Variants in KIF21A observed in about 807,000 individuals in gnomAD.
KIF21A encodes kinesin family member 21A, also known as kinesin-like protein KIF21A.
A neutral mutation model predicts 202.9 loss-of-function variants in KIF21A; 114 were observed. The observed-to-expected ratio is 0.56, with a 90% CI of 0.48 to 0.66. The LOEUF is 0.66. KIF21A is among the 30% of genes least tolerant of loss of function. The pLI, the probability that KIF21A is intolerant of heterozygous loss-of-function variation, is 0.00. For synonymous variants in KIF21A, 667 were observed against 670.8 expected (o/e 0.99, Z 0.09); for missense variants, 1,677 against 1,994.9 (o/e 0.84, Z 3.04).
chr12:39,427,405 A>G (rs931721010), intron 1 of KIF21A, among the ~76,000 whole-genome samples: 6 of 152,170 alleles, frequency 3.9e-5, no homozygotes, highest in African/African-American at 1.4e-4. Context: ...TCTACTTTAC[A>G]CACAAAAGGA....
chr12:39,342,148 T>C (rs1017074670), intron 12 of KIF21A, 24 bp from the exon 13 acceptor site: 6 of 1,489,382 alleles, frequency 4.0e-6, no homozygotes, highest in Non-Finnish European at 5.6e-6. Flanking sequence ...CATAAGGGTA[T>C]GGTGTTAAAA....
rs778963880 is a variant in KIF21A at position 39,340,066 on chromosome 12, T to C, written c.2310+99A>G. The C allele has an allele frequency of 5.3e-4, 496 of 930,184 alleles. 1 individual carries two copies. Among genetic ancestry groups the C allele is most frequent in the Non-Finnish European group, 7.1e-4 (424 of 601,036 alleles). 57.6% of individuals were successfully genotyped at this position (930,184 alleles called of 1,614,324 possible). A position where few individuals can be genotyped will look rare whatever the true frequency, so the allele number is the denominator to read the frequency against. On this transcript the variant is annotated intron_variant, in intron 16 of 37. Coordinates refer to ENST00000361418, the MANE Select transcript of KIF21A (RefSeq NM_001173464.2). The stretch of plus-strand genomic sequence containing the variant: ...ATCATTTGTAAGATTGGGTTACCTT[T>C]ATCGAATATGGAAAGAACCACAAGA...
At chr12:39,396,073 G>T (rs746255289) in intron 1 of KIF21A, among the ~76,000 whole-genome samples, 55 of 151,924 alleles carry the variant, frequency 3.6e-4, no homozygotes, top group Admixed American at 6.6e-4. Context: ...CACCATCATC[G>T]GGACAAAGTC....
chr12:39,316,363 C>T (rs1037564780), intron 29 of KIF21A, among the ~76,000 whole-genome samples: 1 of 151,478 alleles, frequency 6.6e-6, no homozygotes, highest in Non-Finnish European at 1.5e-5. Context: ...CAATTTTATT[C>T]ACCTTGATAA....
intron 1 of KIF21A, among the ~76,000 whole-genome samples, chr12:39,404,048 A>G (rs914671407): frequency 1.3e-5 from 2 of 152,194 alleles, no homozygotes; most frequent in Non-Finnish European, 1.5e-5. Context: ...CCACATATTT[A>G]TCAAGCACCC....
At chr12:39,308,666 G>C (rs1009660983) in intron 33 of KIF21A, among the ~76,000 whole-genome samples, 2 of 151,838 alleles carry the variant, frequency 1.3e-5, no homozygotes, top group African/African-American at 4.8e-5. Context: ...TTTAAATTTT[G>C]AAACATTTTC....
chr12:39,350,581 A>G (rs1402613772), intron 11 of KIF21A, among the ~76,000 whole-genome samples: 3 of 151,994 alleles, frequency 2.0e-5, no homozygotes, highest in African/African-American at 4.8e-5. Flanking sequence ...CGATAATCCT[A>G]TGATCATTAT....
At chr12:39,412,302 T>G (rs1953165493) in intron 1 of KIF21A, among the ~76,000 whole-genome samples, 2 of 152,204 alleles carry the variant, frequency 1.3e-5, no homozygotes, top group African/African-American at 4.8e-5. Context: ...GCCTAGACAT[T>G]ATGATGCAAA....
At chr12:39,328,624 G>A (rs1946197032) in intron 24 of KIF21A, among the ~76,000 whole-genome samples, 1 of 152,106 alleles carries the variant, frequency 6.6e-6, no homozygotes, top group Non-Finnish European at 1.5e-5. Context: ...TGTGAGCATG[G>A]GGCGCTGGCC....
chr12:39,417,202 CAG>C (rs1280188696), intron 1 of KIF21A, among the ~76,000 whole-genome samples: 2 of 151,838 alleles, frequency 1.3e-5, no homozygotes, highest in African/African-American at 4.8e-5. Flanking sequence ...TCAGAAGACA[CAG>C]TGTTATGGGA....
intron 17 of KIF21A, among the ~76,000 whole-genome samples, chr12:39,336,403 C>G (rs1307591668): frequency 1.3e-5 from 2 of 152,174 alleles, no homozygotes; most frequent in Non-Finnish European, 2.9e-5. Flanking sequence ...ATCAAGCATA[C>G]ATTTATTTGT....
intron 28 of KIF21A, 150 bp downstream of exon 28, chr12:39,319,756 C>A (rs1944999399): frequency 4.9e-6 from 3 of 613,218 alleles, no homozygotes; most frequent in Non-Finnish European, 8.7e-6. Context: ...CCGAGCCAAG[C>A]CAAAAGCTGA....
At chr12:39,381,794 G>C (rs1950633200) in intron 1 of KIF21A, among the ~76,000 whole-genome samples, 1 of 152,180 alleles carries the variant, frequency 6.6e-6, no homozygotes, top group African/African-American at 2.4e-5. Context: ...TTCCAATTTA[G>C]TTACTAACCG....
intron 1 of KIF21A, among the ~76,000 whole-genome samples, chr12:39,416,669 A>G (rs1177322135): frequency 2.9e-5 from 4 of 138,258 alleles, no homozygotes; most frequent in African/African-American, 1.2e-4. Context: ...GTATATATAT[A>G]TGTACATATA....
At chr12:39,441,660 T>TAAAAAAA (rs56245570) in intron 1 of KIF21A, among the ~76,000 whole-genome samples, 532 of 37,684 alleles carry the variant, frequency 0.014, 96 homozygotes, top group African/African-American at 0.024. Context: ...CCCTGGGTGG[T>TAAAAAAA]AAAAAAAAAA....
rs187406026 is a variant in KIF21A, at chr12:39,319,167, A to C, written c.3779+739T>G. Among the ~76,000 whole-genome samples, 369 of 149,390 alleles carry C rather than the reference A, an allele frequency of 2.5e-3. 1 individual carries two copies. Among genetic ancestry groups the C allele is most frequent in the South Asian group, 9.1e-3 (42 of 4,594 alleles). ...TTTTTATGTCAAAGAAATTAAAGTA[A>C]TTCACTTCACTAATATTTAAATGTA... On this transcript the variant is annotated intron_variant, in intron 28 of 37. Coordinates refer to ENST00000361418, the MANE Select transcript of KIF21A (RefSeq NM_001173464.2).
At chr12:39,374,749 A>G (rs1950164121) in intron 1 of KIF21A, among the ~76,000 whole-genome samples, 2 of 152,166 alleles carry the variant, frequency 1.3e-5, no homozygotes, top group Non-Finnish European at 2.9e-5. Flanking sequence ...ATTCTTGAAC[A>G]AGCATTTAAC....
At chr12:39,317,145 T>C (rs529567973) in intron 29 of KIF21A, among the ~76,000 whole-genome samples, 15 of 152,298 alleles carry the variant, frequency 9.8e-5, no homozygotes, top group African/African-American at 3.6e-4. Context: ...AATTAAACCA[T>C]ATTAAAATCT....
At position 39,332,689 on chromosome 12, in the gene KIF21A, G is replaced by A. The variant is rs201804365; in HGVS notation, c.2758C>T (p.Arg920Cys). Residue 920 changes from arginine to cysteine, a missense_variant, in exon 20 of 38, where the codon CGC becomes TGC. By Grantham distance (180) the Arg-to-Cys change is radical (BLOSUM62 -3). Transcript: ENST00000361418. ...TGRVFISKTA[R>C]MKWQLLERRV... Reference sequence around the variant, plus strand: ...CGCTCAAGGAGCTGCCACTTCATGCGAGCTGTCTTGGAAATAAACACTCGG... The same window carrying A: ...CGCTCAAGGAGCTGCCACTTCATGCAAGCTGTCTTGGAAATAAACACTCGG... 5.9e-5 allele frequency: 95 copies of A among 1,613,960 alleles called. No individual in the cohort carries two copies. Among genetic ancestry groups the A allele is most frequent in the East Asian group, 3.3e-4 (15 of 44,864 alleles).
Sources: allele counts gnomAD v4.1 joint callset (sites outside exome capture counted in the v4.1 genomes callset), GRCh38; gene constraint gnomAD v4.1.1; transcripts MANE v1.5; gene names NCBI Gene and HGNC (gene_info 2026-07-23, HGNC 2026-07-21).